CD320: variants seen among roughly 807,000 people sequenced by gnomAD.
The protein encoded by CD320 is CD320 antigen.
In CD320, 16 loss-of-function variants were observed where a neutral mutation model predicts 22.1. The observed-to-expected ratio is 0.73, with a 90% CI of 0.49 to 1.10. CD320 has a LOEUF of 1.10. Among genes scored for constraint, CD320 ranks in the 50% least tolerant of loss-of-function variants. CD320 has a pLI of 0.00. For missense variants in CD320, 388 were observed against 376.9 expected (o/e 1.03, Z -0.24); for synonymous variants, 188 against 167.8 (o/e 1.12, Z -0.93).
At position 8,303,984 on chromosome 19, in the gene CD320, G is replaced by A. The variant is rs1381251177; in HGVS notation, c.373C>T (p.Arg125Cys). The A allele has an allele frequency of 1.9e-5, 30 of 1,574,838 alleles. No homozygotes were observed. Among genetic ancestry groups the A allele is most frequent in the Middle Eastern group, 1.7e-4 (1 of 6,052 alleles). Residue 125 changes from arginine (R) to cysteine (C), a missense_variant, in exon 3 of 5, where the codon CGC becomes TGC. By Grantham distance (180) the Arg-to-Cys change is radical. Coordinates refer to ENST00000301458, the MANE Select transcript of CD320 (RefSeq NM_016579.4). ...DCSGGTDKKL[R>C]NCSRLACLAG... Reference sequence around the variant, plus strand: ...AGGCAGGCCAGGCGGCTGCAGTTGCGCAGTTTCTTGTCAGTTCCCCCAGAG... The same window carrying A: ...AGGCAGGCCAGGCGGCTGCAGTTGCACAGTTTCTTGTCAGTTCCCCCAGAG...
At chr19:8,303,076 C>A (rs1970033606) in intron 3 of CD320, 96 bp from the exon 4 acceptor site, 4 of 978,938 alleles carry the variant, frequency 4.1e-6, no homozygotes, top group Admixed American at 2.0e-5. Context: ...TATCCTCAAC[C>A]AACCAGGCTG....
intron 1 of CD320, among the ~76,000 whole-genome samples, chr19:8,306,946 TCA>T (rs769393266): frequency 2.0e-5 from 3 of 152,176 alleles, no homozygotes; most frequent in Non-Finnish European, 4.4e-5. Flanking sequence ...TCTCCTGGCC[TCA>T]GTTTCCTCAC....
At chr19:8,303,806 G>T in intron 3 of CD320, 49 bp downstream of exon 3, 1 of 1,296,024 alleles carries the variant, frequency 7.7e-7, no homozygotes, top group Non-Finnish European at 1.1e-6. Context: ...AGCAGGCAGT[G>T]GGTGTCCCCA....
At chr19:8,307,054 G>A (rs1025277578) in intron 1 of CD320, among the ~76,000 whole-genome samples, 2 of 145,008 alleles carry the variant, frequency 1.4e-5, no homozygotes, top group African/African-American at 5.6e-5. Context: ...CACTTTGGGA[G>A]GCTGAGGCGG....
In CD320 at chr19:8,306,457, G is replaced by A. The variant is rs187893875; in HGVS notation, c.143-1301C>T. Among the ~76,000 whole-genome samples the A allele has an allele frequency of 5.3e-5, 8 of 152,316 alleles. No individual in the cohort carries two copies. The East Asian group carries it at 1.3e-3, about 26-fold the overall frequency. ...TTGCCGACCTGGAGGGGCACGGAGG[G>A]GCCCGCAACCTGGGCCAAGGGACAG... On this transcript the variant is annotated intron_variant, in intron 1 of 4. Coordinates refer to ENST00000301458, the MANE Select transcript of CD320 (RefSeq NM_016579.4).
At chr19:8,306,176 A>G (rs1970086209) in intron 1 of CD320, among the ~76,000 whole-genome samples, 1 of 152,028 alleles carries the variant, frequency 6.6e-6, no homozygotes, top group African/African-American at 2.4e-5. Context: ...ATCTCAGCTG[A>G]TTTCCTGGGA....
intron 2 of CD320, 83 bp from the exon 3 acceptor site, chr19:8,304,171 C>T (rs1599622194): frequency 6.7e-6 from 5 of 743,616 alleles, no homozygotes; most frequent in Non-Finnish European, 1.2e-5. Flanking sequence ...CTGCAAGCCC[C>T]ACCCTCTAAG....
At chr19:8,303,196 A>C (rs1423655965) in intron 3 of CD320, among the ~76,000 whole-genome samples, 1 of 151,086 alleles carries the variant, frequency 6.6e-6, no homozygotes, top group Non-Finnish European at 1.5e-5. Flanking sequence ...GGCTCAGTGA[A>C]ACCTCTGCCT....
intron 1 of CD320, among the ~76,000 whole-genome samples, 188 bp downstream of exon 1, chr19:8,307,961 C>T (rs933877361): frequency 6.6e-6 from 1 of 152,204 alleles, no homozygotes; most frequent in Non-Finnish European, 1.5e-5. Context: ...CCCTCCTCCC[C>T]TCCCCCAGCA....
chr19:8,302,755 T>C (rs1970027659), intron 4 of CD320, 22 bp downstream of exon 4: 3 of 1,612,052 alleles, frequency 1.9e-6, no homozygotes. Flanking sequence ...GCCCCCAGCA[T>C]GGGAGGGTAA....
intron 1 of CD320, among the ~76,000 whole-genome samples, chr19:8,306,994 C>T (rs1910518526): frequency 6.6e-6 from 1 of 152,104 alleles, no homozygotes; most frequent in Admixed American, 6.5e-5. Flanking sequence ...CCTACCTCAA[C>T]ATCCTGAGAA....
Position 8,304,829 on chromosome 19 carries a change from A to G in CD320, c.268+202T>C, listed in dbSNP as rs1435694038. ...CGATCCTCCCACCCTAGCCTCCCAA[A>G]GTGCTGGGATTGCAGGCGTGAGCCA... On this transcript the variant is annotated intron_variant, in intron 2 of 4. Transcript: ENST00000301458. The G allele has an allele frequency of 3.1e-5, 18 of 574,124 alleles. No homozygotes were observed. In the Admixed American group the frequency reaches 4.5e-4, roughly 14 times the overall value. The allele number at this position is 574,124 out of a possible 1,614,324, so 35.6% of individuals were successfully genotyped here. A position where few individuals can be genotyped will look rare whatever the true frequency, so the allele number is the denominator to read the frequency against.
In CD320 at chr19:8,302,836, G is replaced by T. The variant is rs146328123; in HGVS notation, c.647C>A (p.Ser216Tyr). Residue 216 changes from serine (S) to tyrosine (Y), a missense_variant, in exon 4 of 5, where the codon TCC (serine) becomes TAC (tyrosine). Coordinates refer to ENST00000301458, the MANE Select transcript of CD320 (RefSeq NM_016579.4). ...ESVPSVGNAT[S>Y]SSAGDQSGSP... ...TCCAGACTGGTCTCCGGCAGAGGAG[G>T]ATGTGGCATTCCCGACAGAGGGGAC... is the stretch of plus-strand genomic sequence containing the variant. 1.1e-5 allele frequency: 17 copies of T among 1,614,010 alleles called. No homozygotes were observed. In the African/African-American group the frequency reaches 2.3e-4, roughly 22 times the overall value.
rs1970056609 is a variant in CD320 at position 8,304,383 on chromosome 19, CCCAG to C, written c.269-299_269-296del. Among the ~76,000 whole-genome samples, 4 of 152,318 alleles carry C rather than the reference CCCAG, an allele frequency of 2.6e-5. 1 individual carries two copies. In the South Asian group the frequency reaches 8.3e-4, roughly 32 times the overall value. ...TTTGAGACGGGGTCTCCCTTTGCTG[CCCAG>C]GCTGCAGTGCAGTGGCGCAATCTCG... On this transcript the variant is annotated intron_variant, in intron 2 of 4. Transcript: ENST00000301458.
intron 1 of CD320, among the ~76,000 whole-genome samples, chr19:8,307,678 TGGAGGACAAA>T (rs1388715287): frequency 6.6e-6 from 1 of 151,964 alleles, no homozygotes; most frequent in African/African-American, 2.4e-5. Flanking sequence ...TCTCTAAGGA[TGGAGGACAAA>T]GGAGGAGAGA....
In CD320 at chr19:8,303,097, A is replaced by ACTG. The variant is rs77696587; in HGVS notation, c.503-120_503-118dup. The ACTG allele has an allele frequency of 0.97, 661,360 of 679,090 alleles. 322,693 individuals carry two copies. The highest frequency in any genetic ancestry group is 0.99 in the Non-Finnish European group (380,804 of 383,790). The allele number at this position is 679,090 out of a possible 1,614,324, so 42.1% of individuals were successfully genotyped here. ...CAACCAACCAGGCTGGGTGAAGCTG[A>ACTG]CTGCCCGTAATTATGTCTTTTTTTT... On this transcript the variant is annotated intron_variant, in intron 3 of 4. Transcript: ENST00000301458.
At chr19:8,305,555 A>C in intron 1 of CD320, 2 of 241,110 alleles carry the variant, frequency 8.3e-6, no homozygotes, top group Non-Finnish European at 1.7e-5. Flanking sequence ...AAAATACAAA[A>C]ATTAGCCGGG....
chr19:8,307,688 A>C (rs1599625261), intron 1 of CD320, among the ~76,000 whole-genome samples: 1 of 152,156 alleles, frequency 6.6e-6, no homozygotes, highest in Non-Finnish European at 1.5e-5. Flanking sequence ...TGGAGGACAA[A>C]GGAGGAGAGA....
Position 8,303,892 on chromosome 19 carries a change from G to A in CD320, c.465C>T (p.His155=). The A allele has an allele frequency of 6.2e-7, 1 of 1,605,692 alleles. No homozygotes were observed. Among genetic ancestry groups the A allele is most frequent in the Non-Finnish European group, 8.5e-7 (1 of 1,176,662 alleles). The change falls in exon 3 of 5, where the codon CAC becomes CAT. Residue 155 remains histidine (H), a synonymous_variant. Transcript: ENST00000301458. ...CGTCGCTGGAGTCGGGACAGTCTGGGTGGCCGTCGCAGCGCCACGTGAGTG... is the reference window on the plus strand; with the variant it reads ...CGTCGCTGGAGTCGGGACAGTCTGGATGGCCGTCGCAGCGCCACGTGAGTG... ...CIPLTWRCDG[H]PDCPDSSDEL...
Sources: allele counts gnomAD v4.1 joint callset (sites outside exome capture counted in the v4.1 genomes callset), GRCh38; gene constraint gnomAD v4.1.1; transcripts MANE v1.5; gene names NCBI Gene and HGNC (gene_info 2026-07-23, HGNC 2026-07-21).